Variants in DPP10 observed in about 807,000 individuals in gnomAD.
The protein encoded by DPP10 is inactive dipeptidyl peptidase 10.
In DPP10, 33 loss-of-function variants were observed where a neutral mutation model predicts 120.9. The ratio of observed to expected loss-of-function variants is 0.27; its 90% CI spans 0.21 to 0.37. The LOEUF (loss-of-function observed/expected upper bound fraction) is 0.37, where lower values mean the gene tolerates loss of function less well. Ranked by LOEUF, DPP10 falls within the 10% of genes least tolerant of loss-of-function variation. DPP10 has a pLI of 1.00. For missense variants in DPP10, 816 were observed against 942.8 expected (o/e 0.87, Z 1.76); for synonymous variants, 337 against 326.1 (o/e 1.03, Z -0.36).
chr2:115,363,362 A>C (rs759863819), intron 3 of DPP10, among the ~76,000 whole-genome samples: 6 of 152,202 alleles, frequency 3.9e-5, no homozygotes, highest in Non-Finnish European at 8.8e-5. Flanking sequence ...TAAGTAGAGA[A>C]GTCACTAAGT....
intron 1 of DPP10, among the ~76,000 whole-genome samples, chr2:114,806,930 C>T (rs1385679081): frequency 1.3e-5 from 2 of 152,154 alleles, no homozygotes; most frequent in Non-Finnish European, 2.9e-5. Flanking sequence ...TCACCGTCTG[C>T]ACAGCTAGTA....
At chr2:114,813,892 G>A (rs1393886699) in intron 1 of DPP10, among the ~76,000 whole-genome samples, 1 of 147,868 alleles carries the variant, frequency 6.8e-6, no homozygotes, top group Non-Finnish European at 1.5e-5. Context: ...AGGAAATCAT[G>A]TTTAATAACT....
At chr2:115,227,924 CTT>C (rs70941034) in intron 1 of DPP10, among the ~76,000 whole-genome samples, 167 of 120,406 alleles carry the variant, frequency 1.4e-3, no homozygotes, top group Non-Finnish European at 1.8e-3. Flanking sequence ...CTTTTTTTTC[CTT>C]TTTTTTTTTT....
chr2:115,088,303 T>A (rs531381332), intron 1 of DPP10, among the ~76,000 whole-genome samples: 4 of 152,200 alleles, frequency 2.6e-5, no homozygotes, highest in Non-Finnish European at 4.4e-5. Flanking sequence ...CTTTGATAGC[T>A]GTTCTTCTAG....
At chr2:115,719,318 T>C (rs2092585013) in intron 7 of DPP10, among the ~76,000 whole-genome samples, 1 of 152,196 alleles carries the variant, frequency 6.6e-6, no homozygotes, top group Non-Finnish European at 1.5e-5. Context: ...GCAAAGGTTT[T>C]AAGAAATAAG....
intron 1 of DPP10, among the ~76,000 whole-genome samples, chr2:114,942,557 AT>A (rs202146111): frequency 7.4e-5 from 11 of 147,710 alleles, no homozygotes; most frequent in African/African-American, 2.2e-4. Flanking sequence ...TAGATTAGCC[AT>A]TTTTTTTTCA....
chr2:115,429,453 T>A (rs751231108), intron 3 of DPP10, among the ~76,000 whole-genome samples: 1 of 152,162 alleles, frequency 6.6e-6, no homozygotes, highest in Non-Finnish European at 1.5e-5. Context: ...TTTAAAAATA[T>A]ATAACATTAT....
intron 1 of DPP10, among the ~76,000 whole-genome samples, chr2:114,820,920 C>T (rs1478119789): frequency 5.9e-5 from 9 of 152,168 alleles, no homozygotes; most frequent in Non-Finnish European, 8.8e-5. Flanking sequence ...GAGGAACACC[C>T]GGTTCTTCAT....
intron 5 of DPP10, among the ~76,000 whole-genome samples, chr2:115,651,240 A>G (rs755141729): frequency 2.1e-4 from 32 of 152,084 alleles, no homozygotes; most frequent in African/African-American, 7.2e-4. Flanking sequence ...AAAATAAAAT[A>G]GATTTGTTCA....
At chr2:115,125,125 A>G (rs1341632543) in intron 1 of DPP10, among the ~76,000 whole-genome samples, 1 of 152,214 alleles carries the variant, frequency 6.6e-6, no homozygotes, top group African/African-American at 2.4e-5. Flanking sequence ...TAGTTGTCCA[A>G]TTCATAAAGT....
At chr2:115,507,049 C>CAA (rs2076986317) in intron 4 of DPP10, among the ~76,000 whole-genome samples, 1 of 151,686 alleles carries the variant, frequency 6.6e-6, no homozygotes, top group African/African-American at 2.4e-5. Flanking sequence ...CACACACACA[C>CAA]ACACACAGAC....
At chr2:114,684,671 G>C (rs934107015) in intron 1 of DPP10, among the ~76,000 whole-genome samples, 1 of 151,892 alleles carries the variant, frequency 6.6e-6, no homozygotes, top group African/African-American at 2.4e-5. Flanking sequence ...ACATTTTGCC[G>C]GATGAGTCTG....
chr2:114,898,485 A>G (rs1693243231), intron 1 of DPP10, among the ~76,000 whole-genome samples: 1 of 152,030 alleles, frequency 6.6e-6, no homozygotes. Flanking sequence ...GTACCCTAAA[A>G]CTTAAAGTAT....
chr2:115,022,266 A>G (rs1355766326), intron 1 of DPP10, among the ~76,000 whole-genome samples: 1 of 152,088 alleles, frequency 6.6e-6, no homozygotes, highest in Non-Finnish European at 1.5e-5. Flanking sequence ...AGAAAATCCT[A>G]AAGACTTGTA....
intron 1 of DPP10, among the ~76,000 whole-genome samples, chr2:114,500,761 T>A (rs1166793996): frequency 6.6e-6 from 1 of 152,168 alleles, no homozygotes; most frequent in Non-Finnish European, 1.5e-5. Context: ...AACAAAATCA[T>A]TGAATCTGAA....
intron 1 of DPP10, among the ~76,000 whole-genome samples, chr2:114,527,215 G>T (rs1685577969): frequency 6.6e-6 from 1 of 152,000 alleles, no homozygotes. Flanking sequence ...TTAAATGTGG[G>T]GTCACTAAAT....
intron 1 of DPP10, among the ~76,000 whole-genome samples, chr2:114,806,033 C>T (rs1224826104): frequency 6.6e-6 from 1 of 152,132 alleles, no homozygotes; most frequent in Admixed American, 6.5e-5. Context: ...TCCATGATTT[C>T]CAATCCCCTC....
chr2:114,966,238 G>C (rs1037683034), intron 1 of DPP10, among the ~76,000 whole-genome samples: 1 of 152,046 alleles, frequency 6.6e-6, no homozygotes, highest in African/African-American at 2.4e-5. Context: ...GTTTGTTCTT[G>C]CCCAAACTCA....
At chr2:115,215,457 CAT>C (rs2056763540) in intron 1 of DPP10, among the ~76,000 whole-genome samples, 1 of 152,134 alleles carries the variant, frequency 6.6e-6, no homozygotes. Context: ...AAATAGGCCA[CAT>C]GTCTAGTATT....
Sources: gnomAD v4.1 joint callset for allele counts (sites outside exome capture counted in the v4.1 genomes callset) on GRCh38, gnomAD v4.1.1 for gene constraint, MANE v1.5 for transcripts, NCBI Gene and HGNC (gene_info 2026-07-23, HGNC 2026-07-21) for gene names.